Variants in SUPT3H observed in about 807,000 individuals in gnomAD.
SUPT3H encodes the protein transcription initiation protein SPT3 homolog.
In SUPT3H, 44 loss-of-function variants were observed where a neutral mutation model predicts 44.3. The observed-to-expected ratio is 0.99, with a 90% CI of 0.78 to 1.28. The LOEUF (loss-of-function observed/expected upper bound fraction) is 1.28. Among genes scored for constraint, SUPT3H ranks in the 50% most tolerant of loss-of-function variants. The probability of loss-of-function intolerance (pLI) is 0.00; values close to 1 mark genes in which losing one functional copy is unlikely to be tolerated. For missense variants in SUPT3H, 380 were observed against 387.1 expected (o/e 0.98, Z 0.15); for synonymous variants, 124 against 125.6 (o/e 0.99, Z 0.09).
intron 3 of SUPT3H, among the ~76,000 whole-genome samples, chr6:45,038,909 T>C (rs965052931): frequency 2.6e-5 from 4 of 152,206 alleles, no homozygotes; most frequent in African/African-American, 9.6e-5. Context: ...ACTGAATAGT[T>C]ATTAAAATCT....
chr6:45,035,057 A>G (rs2153526598), intron 3 of SUPT3H, among the ~76,000 whole-genome samples: 1 of 152,318 alleles, frequency 6.6e-6, no homozygotes, highest in East Asian at 1.9e-4. Flanking sequence ...AATTAGTTTA[A>G]TATAGTTTCT....
intron 2 of SUPT3H, among the ~76,000 whole-genome samples, chr6:45,252,576 T>C (rs1043344263): frequency 2.0e-5 from 3 of 151,752 alleles, no homozygotes; most frequent in African/African-American, 7.3e-5. Flanking sequence ...AATGGCACAG[T>C]AGACACCTAA....
At chr6:45,295,706 G>T (rs1356385278) in intron 2 of SUPT3H, among the ~76,000 whole-genome samples, 12 of 151,882 alleles carry the variant, frequency 7.9e-5, no homozygotes, top group Non-Finnish European at 2.9e-5. Context: ...GACAGGAACA[G>T]ACAATTCTCA....
chr6:44,889,806 A>G (rs1016800362), intron 10 of SUPT3H, among the ~76,000 whole-genome samples: 21 of 152,276 alleles, frequency 1.4e-4, no homozygotes, highest in African/African-American at 5.1e-4. Context: ...AAAAGAAACT[A>G]CCATCAGAGT....
chr6:44,878,200 G>C (rs1561941525), intron 10 of SUPT3H, among the ~76,000 whole-genome samples: 1 of 152,168 alleles, frequency 6.6e-6, no homozygotes, highest in Non-Finnish European at 1.5e-5. Context: ...GTAATATAGA[G>C]CAGTGTTGTA....
At chr6:45,011,793 T>C (rs1452923221) in intron 5 of SUPT3H, among the ~76,000 whole-genome samples, 2 of 152,130 alleles carry the variant, frequency 1.3e-5, no homozygotes, top group African/African-American at 4.8e-5. Flanking sequence ...TAATTATCTT[T>C]ATAAATGTGT....
At chr6:44,855,639 A>T (rs1221941504) in intron 10 of SUPT3H, among the ~76,000 whole-genome samples, 3 of 151,908 alleles carry the variant, frequency 2.0e-5, no homozygotes, top group Non-Finnish European at 2.9e-5. Context: ...ACGATAATGC[A>T]GATAGACAAC....
intron 10 of SUPT3H, among the ~76,000 whole-genome samples, chr6:44,869,737 CT>C (rs1207918821): frequency 6.6e-6 from 1 of 152,164 alleles, no homozygotes; most frequent in African/African-American, 2.4e-5. Flanking sequence ...GCATAATTAT[CT>C]CATAACCACT....
intron 2 of SUPT3H, among the ~76,000 whole-genome samples, chr6:45,347,869 C>T (rs2150169545): frequency 6.6e-6 from 1 of 151,946 alleles, no homozygotes; most frequent in Non-Finnish European, 1.5e-5. Flanking sequence ...ATACTACATG[C>T]CTACTGAAAT....
intron 2 of SUPT3H, among the ~76,000 whole-genome samples, chr6:45,191,916 T>G (rs889714907): frequency 6.6e-6 from 1 of 152,072 alleles, no homozygotes; most frequent in Non-Finnish European, 1.5e-5. Flanking sequence ...TTAATATACC[T>G]CATTTCTTAA....
In SUPT3H at chr6:45,079,980, A is replaced by G. The variant is rs185590628; in HGVS notation, c.186+25942T>C. Among the ~76,000 whole-genome samples the G allele has an allele frequency of 7.6e-3, 1,153 of 152,366 alleles. 21 individuals carry two copies. Among genetic ancestry groups the G allele is most frequent in the African/African-American group, 0.026 (1,093 of 41,588 alleles). On this transcript the variant is annotated intron_variant, in intron 3 of 10. Coordinates refer to ENST00000371459, the MANE Select transcript of SUPT3H (RefSeq NM_003599.4). ...ACATCAAATTGCAAAGCTTCTGCAC[A>G]GCAAAGGAAACAATCAACAAAGTAA... is the stretch of plus-strand genomic sequence containing the variant.
chr6:44,853,421 A>G (rs1581998532), intron 10 of SUPT3H, among the ~76,000 whole-genome samples: 2 of 152,300 alleles, frequency 1.3e-5, no homozygotes, highest in South Asian at 4.2e-4. Context: ...GCACTTTGGG[A>G]GGTCAATGCA....
chr6:44,998,448 T>G (rs1381690951), intron 6 of SUPT3H, among the ~76,000 whole-genome samples: 2 of 151,948 alleles, frequency 1.3e-5, no homozygotes, highest in African/African-American at 4.8e-5. Context: ...CACTGCTAAT[T>G]TTTAGTATTG....
At chr6:44,835,669 T>C (rs923381348) in intron 10 of SUPT3H, among the ~76,000 whole-genome samples, 3 of 152,162 alleles carry the variant, frequency 2.0e-5, no homozygotes, top group East Asian at 3.8e-4. Flanking sequence ...TGAGCCACCG[T>C]TGGGATGGTA....
At chr6:45,293,418 C>T (rs1373799041) in intron 2 of SUPT3H, among the ~76,000 whole-genome samples, 2 of 152,028 alleles carry the variant, frequency 1.3e-5, no homozygotes, top group Non-Finnish European at 2.9e-5. Context: ...TAAGGTCACA[C>T]CTCAAGGAAC....
At chr6:45,324,303 G>A (rs1334455672) in intron 2 of SUPT3H, among the ~76,000 whole-genome samples, 2 of 151,892 alleles carry the variant, frequency 1.3e-5, no homozygotes, top group Non-Finnish European at 2.9e-5. Context: ...AAGTAAATTA[G>A]CATAAAAGGA....
At chr6:44,839,052 A>T (rs1024481939) in intron 10 of SUPT3H, among the ~76,000 whole-genome samples, 2 of 152,228 alleles carry the variant, frequency 1.3e-5, no homozygotes, top group Non-Finnish European at 2.9e-5. Flanking sequence ...CAGAGCTATC[A>T]TATTAAATGA....
chr6:44,814,773 T>C (rs1766793746), intron 11 of SUPT3H, among the ~76,000 whole-genome samples: 1 of 152,106 alleles, frequency 6.6e-6, no homozygotes, highest in Admixed American at 6.6e-5. Context: ...GCCTTCCGGG[T>C]TCAAGCAATT....
chr6:44,869,515 C>A (rs1346664950), intron 10 of SUPT3H, among the ~76,000 whole-genome samples: 3 of 151,086 alleles, frequency 2.0e-5, no homozygotes, highest in Non-Finnish European at 2.9e-5. Context: ...GGTAATTACT[C>A]CTAATATGCC....
Sources: gnomAD v4.1 joint callset for allele counts (sites outside exome capture counted in the v4.1 genomes callset) on GRCh38, gnomAD v4.1.1 for gene constraint, MANE v1.5 for transcripts, NCBI Gene and HGNC (gene_info 2026-07-23, HGNC 2026-07-21) for gene names.